Variants in DNM3 observed in about 807,000 individuals in gnomAD.
The protein encoded by DNM3 is dynamin-3.
Under a neutral mutation model 101.6 loss-of-function variants are expected in DNM3, and 47 were observed. That is an observed-to-expected ratio of 0.46 (90% CI 0.37 to 0.59). DNM3 has a LOEUF of 0.59. Among genes scored for constraint, DNM3 ranks in the 20% least tolerant of loss-of-function variants. The pLI is 0.00. For synonymous variants in DNM3, 385 were observed against 387.9 expected (o/e 0.99, Z 0.09); for missense variants, 849 against 1,085.7 (o/e 0.78, Z 3.06).
At chr1:172,167,318 A>G (rs541243613) in intron 14 of DNM3, among the ~76,000 whole-genome samples, 1 of 152,146 alleles carries the variant, frequency 6.6e-6, no homozygotes, top group South Asian at 2.1e-4. Context: ...CCAGTCTATC[A>G]TTGTTGGACA....
chr1:172,328,910 G>A lies in DNM3; in HGVS notation c.1893+5570G>A, dbSNP rs2066061073. ...TCCCAGGCTGGTCTTGGACTCCTGG[G>A]CTCAAGCAATCCTCCTGCCTCAGCC... On this transcript the variant is annotated intron_variant, in intron 17 of 20. Transcript: ENST00000627582. Among the ~76,000 whole-genome samples, 3 of 152,040 alleles carry A rather than the reference G, an allele frequency of 2.0e-5. No individual in the cohort carries two copies. In the South Asian group the frequency reaches 6.2e-4, roughly 32 times the overall value.
Position 172,125,427 on chromosome 1 carries a change from C to T in DNM3, c.1546-5748C>T, listed in dbSNP as rs114255158. The stretch of plus-strand genomic sequence containing the variant: ...AGCCAGATGTTGGGGTCTGAACTTA[C>T]CCGTAACATACAGGTTTTGCTGACC... On this transcript the variant is annotated intron_variant, in intron 13 of 20. Transcript: ENST00000627582. Among the ~76,000 whole-genome samples the T allele has an allele frequency of 5.1e-3, 781 of 152,190 alleles. 10 individuals carry two copies. Among genetic ancestry groups the T allele is most frequent in the African/African-American group, 0.018 (738 of 41,524 alleles).
At chr1:172,224,084 T>C (rs547830451) in intron 14 of DNM3, among the ~76,000 whole-genome samples, 4 of 152,308 alleles carry the variant, frequency 2.6e-5, no homozygotes, top group Non-Finnish European at 5.9e-5. Flanking sequence ...CCTATACCTA[T>C]GCCTACCCCA....
chr1:172,342,779 A>G (rs2066748983), intron 17 of DNM3, among the ~76,000 whole-genome samples: 1 of 152,230 alleles, frequency 6.6e-6, no homozygotes, highest in Non-Finnish European at 1.5e-5. Context: ...AATCTATGAC[A>G]GTCTTGTTCT....
chr1:172,038,770 G>A (rs1325793413), intron 7 of DNM3, among the ~76,000 whole-genome samples: 2 of 152,042 alleles, frequency 1.3e-5, no homozygotes, highest in Non-Finnish European at 1.5e-5. Context: ...CTTAGAAGTG[G>A]GTAAATACAG....
chr1:172,298,825 GAAAA>G (rs143974086), intron 15 of DNM3, among the ~76,000 whole-genome samples: 11,004 of 144,090 alleles, frequency 0.076, 454 homozygotes, highest in African/African-American at 0.11. Context: ...AAGAGAGAAA[GAAAA>G]AAAGGAAGGA....
At chr1:172,313,023 G>A (rs1237265932) in intron 16 of DNM3, among the ~76,000 whole-genome samples, 2 of 152,170 alleles carry the variant, frequency 1.3e-5, no homozygotes, top group Non-Finnish European at 2.9e-5. Flanking sequence ...AACTTCCTTT[G>A]AGCCACAGAT....
At chr1:172,290,267 A>C (rs964622047) in intron 15 of DNM3, among the ~76,000 whole-genome samples, 16 of 152,278 alleles carry the variant, frequency 1.1e-4, no homozygotes, top group African/African-American at 3.6e-4. Flanking sequence ...AAAACGGAAT[A>C]ATGAAAAGAG....
chr1:171,976,632 G>T (rs190463950), intron 2 of DNM3, among the ~76,000 whole-genome samples: 71 of 152,228 alleles, frequency 4.7e-4, no homozygotes, highest in African/African-American at 1.6e-3. Flanking sequence ...CCATATCATT[G>T]ACATTTAAGG....
chr1:172,242,279 C>T (rs2061779229), intron 14 of DNM3, among the ~76,000 whole-genome samples: 1 of 152,130 alleles, frequency 6.6e-6, no homozygotes, highest in Non-Finnish European at 1.5e-5. Flanking sequence ...TCACTAAACT[C>T]TCTGGTTTTG....
intron 2 of DNM3, among the ~76,000 whole-genome samples, chr1:171,950,552 T>C (rs909572253): frequency 6.6e-6 from 1 of 152,186 alleles, no homozygotes; most frequent in Non-Finnish European, 1.5e-5. Context: ...TTTCAACTTA[T>C]GATGGATTTA....
chr1:172,186,266 CG>C (rs2059519802), intron 14 of DNM3, among the ~76,000 whole-genome samples: 1 of 151,942 alleles, frequency 6.6e-6, no homozygotes, highest in South Asian at 2.1e-4. Flanking sequence ...TTAATTTAAA[CG>C]TCGGTTACAA....
At chr1:172,306,009 A>G (rs575437825) in intron 15 of DNM3, among the ~76,000 whole-genome samples, 4 of 152,328 alleles carry the variant, frequency 2.6e-5, no homozygotes, top group East Asian at 1.9e-4. Context: ...CGTATTCAAC[A>G]TAGTGTTGGA....
intron 14 of DNM3, among the ~76,000 whole-genome samples, chr1:172,156,322 A>T (rs1397775774): frequency 6.6e-6 from 1 of 152,090 alleles, no homozygotes; most frequent in African/African-American, 2.4e-5. Context: ...CTTAAAACTC[A>T]TGCTCCATCC....
In DNM3 at chr1:172,302,713, C is replaced by T. The variant is rs146613955; in HGVS notation, c.1770-6015C>T. Among the ~76,000 whole-genome samples the T allele has an allele frequency of 3.0e-3, 456 of 152,212 alleles. 5 individuals are homozygous for T. The highest frequency in any genetic ancestry group is 9.9e-3 in the African/African-American group (412 of 41,550). On this transcript the variant is annotated intron_variant, in intron 15 of 20. Coordinates refer to ENST00000627582, the MANE Select transcript of DNM3 (RefSeq NM_015569.5). ...GCAATATTTGCTGTTCTGCAGCCTC[C>T]GCCGGGTGATACCAAGGCAAACAGG...
intron 17 of DNM3, among the ~76,000 whole-genome samples, chr1:172,359,130 A>ACACACACT: frequency 1.7e-5 from 1 of 57,932 alleles, no homozygotes; most frequent in Admixed American, 1.3e-4. Context: ...CACAAAACAC[A>ACACACACT]CACACACACA....
intron 14 of DNM3, chr1:172,138,956 G>GT: frequency 2.1e-6 from 1 of 471,436 alleles, no homozygotes; most frequent in Non-Finnish European, 4.4e-6. Context: ...CAATCAGCCT[G>GT]TTTTCCAGAT....
chr1:171,944,007 G>A (rs1257870089), intron 2 of DNM3, among the ~76,000 whole-genome samples: 2 of 152,080 alleles, frequency 1.3e-5, no homozygotes, highest in Non-Finnish European at 2.9e-5. Flanking sequence ...TTTGAAACAG[G>A]GGTCAGCAAT....
chr1:172,365,200 T>G (rs951830580), intron 17 of DNM3, among the ~76,000 whole-genome samples: 1 of 151,888 alleles, frequency 6.6e-6, no homozygotes, highest in East Asian at 1.9e-4. Flanking sequence ...AATAGTATTG[T>G]GTTTATGTTT....
Sources: allele counts gnomAD v4.1 joint callset (sites outside exome capture counted in the v4.1 genomes callset), GRCh38; gene constraint gnomAD v4.1.1; transcripts MANE v1.5; gene names NCBI Gene and HGNC (gene_info 2026-07-23, HGNC 2026-07-21).